The following DPP6 variants were observed in gnomAD, a reference collection of about 807,000 sequenced individuals.
DPP6 encodes dipeptidyl peptidase like 6.
In DPP6, 69 loss-of-function variants were observed where a neutral mutation model predicts 122.6. The ratio of observed to expected loss-of-function variants is 0.56; its 90% CI spans 0.46 to 0.69. DPP6 has a LOEUF of 0.69. DPP6 is among the 30% of genes least tolerant of loss of function. The pLI is 0.00. For synonymous variants in DPP6, 418 were observed against 433.1 expected (o/e 0.97, Z 0.43); for missense variants, 928 against 1,116.9 (o/e 0.83, Z 2.41).
At chr7:154,400,576 T>C (rs531053559) in intron 1 of DPP6, among the ~76,000 whole-genome samples, 74 of 152,310 alleles carry the variant, frequency 4.9e-4, no homozygotes, top group Non-Finnish European at 9.0e-4. Context: ...AACCAGAGAA[T>C]CATTTTATCC....
the DPP6 span, among the ~76,000 whole-genome samples, chr7:153,866,758 C>T: frequency 3.3e-5 from 5 of 152,028 alleles, no homozygotes; most frequent in Non-Finnish European, 5.9e-5. Context: ...GCCTAGGTTT[C>T]CTTCTAGGGT....
At chr7:153,821,202 T>G in the DPP6 span, among the ~76,000 whole-genome samples, 3 of 152,102 alleles carry the variant, frequency 2.0e-5, no homozygotes, top group Non-Finnish European at 2.9e-5. Context: ...AGGACAGAGA[T>G]CCACTTAATA....
At chr7:154,430,186 A>G (rs1457788811) in intron 1 of DPP6, among the ~76,000 whole-genome samples, 4 of 152,262 alleles carry the variant, frequency 2.6e-5, no homozygotes, top group Admixed American at 2.0e-4. Flanking sequence ...TCTCTGGACC[A>G]AGGCTTTCGT....
rs541722285 is a variant in DPP6 at position 154,282,633 on chromosome 7, C to A, written c.244-163581C>A. ...GGAGCTGTCTCCTTTGAGTTGCTAT[C>A]AAATCGCATATGTTGCATGCTTACT... On this transcript the variant is annotated intron_variant, in intron 1 of 25. Coordinates refer to ENST00000377770, the MANE Select transcript of DPP6 (RefSeq NM_130797.4). The surrounding 1 kb of genome is among the most constrained non-coding windows in gnomAD (Gnocchi z 4.8). Among the ~76,000 whole-genome samples the A allele has an allele frequency of 6.6e-6, 1 of 152,158 alleles. No individual in the cohort carries two copies. The highest frequency in any genetic ancestry group is 6.5e-5 in the Admixed American group (1 of 15,282).
chr7:153,996,958 T>A (rs1270906307), intron 1 of DPP6, among the ~76,000 whole-genome samples: 1 of 152,124 alleles, frequency 6.6e-6, no homozygotes, highest in East Asian at 1.9e-4. Flanking sequence ...GCAGTGTCAC[T>A]AAAATAAATG....
intron 1 of DPP6, among the ~76,000 whole-genome samples, chr7:154,440,617 A>G (rs1819292491): frequency 6.6e-6 from 1 of 152,204 alleles, no homozygotes; most frequent in Admixed American, 6.5e-5. Flanking sequence ...TATATCGTAG[A>G]AAAGGCCACT....
intron 1 of DPP6, among the ~76,000 whole-genome samples, chr7:154,274,836 A>G (rs1181470332): frequency 6.6e-6 from 1 of 152,218 alleles, no homozygotes; most frequent in African/African-American, 2.4e-5. Context: ...GTATTTCACA[A>G]TGAAATGTCA....
At chr7:154,262,729 G>A (rs1803116157) in intron 1 of DPP6, among the ~76,000 whole-genome samples, 1 of 151,652 alleles carries the variant, frequency 6.6e-6, no homozygotes, top group Non-Finnish European at 1.5e-5. Flanking sequence ...AAATCATTTT[G>A]TTGGGGATAA....
intron 6 of DPP6, among the ~76,000 whole-genome samples, chr7:154,639,331 A>G (rs1333123908): frequency 6.6e-6 from 1 of 152,238 alleles, no homozygotes; most frequent in Non-Finnish European, 1.5e-5. Flanking sequence ...CATTAAAAGT[A>G]TGTTTTAAAT....
chr7:154,139,332 C>CA (rs1184815792), intron 1 of DPP6, among the ~76,000 whole-genome samples: 1 of 89,556 alleles, frequency 1.1e-5, no homozygotes, highest in African/African-American at 5.3e-5. Flanking sequence ...GTGCAAGTCT[C>CA]AGAGTCCAAA....
chr7:154,058,964 C>G (rs1364737573), intron 1 of DPP6: 1 of 151,440 alleles, frequency 6.6e-6, no homozygotes, highest in Non-Finnish European at 1.5e-5. Context: ...AGGCACCCCC[C>G]CGCGAGGCAG....
chr7:154,887,653 T>C lies in DPP6; in HGVS notation c.2246-23T>C, dbSNP rs758643615. 16 of 1,613,140 alleles carry C rather than the reference T, an allele frequency of 9.9e-6. No homozygotes were observed. In the Admixed American group the frequency reaches 2.7e-4, roughly 27 times the overall value. On this transcript the variant is annotated intron_variant, in intron 22 of 25. Coordinates refer to ENST00000377770, the MANE Select transcript of DPP6 (RefSeq NM_130797.4). ...CAGGGCCTCGAAGCCAGAGGTAACC[T>C]CCCTCCCTTTGCTTCCGTGCAGCCT...
intron 1 of DPP6, among the ~76,000 whole-genome samples, chr7:154,297,297 G>C (rs1044347646): frequency 1.3e-5 from 2 of 152,116 alleles, no homozygotes; most frequent in Non-Finnish European, 2.9e-5. Flanking sequence ...CACCTCTCCT[G>C]TTGTGGTACA....
chr7:153,877,186 T>C, the DPP6 span, among the ~76,000 whole-genome samples: 1 of 152,292 alleles, frequency 6.6e-6, no homozygotes, highest in Non-Finnish European at 1.5e-5. Flanking sequence ...TGTAACTTTT[T>C]TACTTTCTAA....
intron 1 of DPP6, among the ~76,000 whole-genome samples, chr7:154,151,428 C>T (rs1311125932): frequency 6.6e-6 from 1 of 152,180 alleles, no homozygotes; most frequent in Non-Finnish European, 1.5e-5. Flanking sequence ...ACCAGCAATA[C>T]TGTCACTTCT....
At chr7:154,537,770 G>T (rs1828379446) in intron 3 of DPP6, among the ~76,000 whole-genome samples, 1 of 135,518 alleles carries the variant, frequency 7.4e-6, no homozygotes, top group African/African-American at 2.5e-5. Context: ...GAGGGGAGGG[G>T]AGAGGAGAGG....
At chr7:153,979,976 T>G (rs1434272162) in intron 1 of DPP6, among the ~76,000 whole-genome samples, 1 of 152,230 alleles carries the variant, frequency 6.6e-6, no homozygotes, top group African/African-American at 2.4e-5. Flanking sequence ...TTTGCATCAA[T>G]GTTCATCAGG....
At chr7:154,826,819 C>G (rs1161189463) in intron 16 of DPP6, among the ~76,000 whole-genome samples, 3 of 152,148 alleles carry the variant, frequency 2.0e-5, no homozygotes, top group African/African-American at 7.2e-5. Context: ...GAAAAATGAG[C>G]AGAGACGTCT....
chr7:153,939,796 T>C (rs1043149703), intron 1 of DPP6, among the ~76,000 whole-genome samples: 19 of 152,352 alleles, frequency 1.2e-4, no homozygotes, highest in African/African-American at 3.8e-4. Flanking sequence ...CTATGAAAGA[T>C]ACTATGCTGA....
Sources: gnomAD v4.1 joint callset for allele counts (sites outside exome capture counted in the v4.1 genomes callset) on GRCh38, gnomAD v4.1.1 for gene constraint, Gnocchi (gnomAD v3.1) non-coding constraint, MANE v1.5 for transcripts, NCBI Gene and HGNC (gene_info 2026-07-23, HGNC 2026-07-21) for gene names.